Variants in CCAR2 observed in about 807,000 individuals in gnomAD.
CCAR2 encodes the protein cell cycle and apoptosis regulator protein 2.
CCAR2 carries 21 observed loss-of-function variants against 108.1 expected under a neutral mutation model. The ratio of observed to expected loss-of-function variants is 0.19; its 90% CI spans 0.14 to 0.28. CCAR2 has a LOEUF of 0.28. Among genes scored for constraint, CCAR2 ranks in the 10% least tolerant of loss-of-function variants. The pLI, the probability that CCAR2 is intolerant of heterozygous loss-of-function variation, is 1.00. For synonymous variants in CCAR2, 577 were observed against 472.8 expected (o/e 1.22, Z -2.86); for missense variants, 1,126 against 1,177.0 (o/e 0.96, Z 0.63).
At chr8:22,610,158 C>T (rs57985107) in intron 7 of CCAR2, among the ~76,000 whole-genome samples, 4 of 152,116 alleles carry the variant, frequency 2.6e-5, no homozygotes, top group African/African-American at 4.8e-5. Context: ...TATTACCATT[C>T]GTCAGTAGAG....
rs772579671 is a variant in CCAR2, at chr8:22,608,046, C to T, written c.565C>T (p.Arg189Trp). Residue 189 changes from arginine (R) to tryptophan (W), a missense_variant, in exon 7 of 21, where the codon CGG becomes TGG. This residue lies in a region of CCAR2 where 1,013 missense variants were observed against 993.9 expected (regional missense o/e 1.02). Coordinates refer to ENST00000308511, the MANE Select transcript of CCAR2 (RefSeq NM_001393997.1). ...NRFPARGPHG[R>W]LDQGRSDDYD... ...ATTTCCTGCCCGGGGCCCTCATGGA[C>T]GGTTGGATCAGGGCCGAAGGTAAGA... 17 of 1,613,882 alleles carry T rather than the reference C, an allele frequency of 1.1e-5. No homozygotes were observed. In the Middle Eastern group the frequency reaches 5.0e-4, roughly 47 times the overall value.
intron 16 of CCAR2, 22 bp downstream of exon 16, chr8:22,617,800 T>G: frequency 6.2e-7 from 1 of 1,611,478 alleles, no homozygotes; most frequent in Non-Finnish European, 8.5e-7. Context: ...TCTCGACCAC[T>G]CTGGGTCTCA....
At chr8:22,609,804 T>C (rs926671260) in intron 7 of CCAR2, among the ~76,000 whole-genome samples, 3 of 152,216 alleles carry the variant, frequency 2.0e-5, no homozygotes, top group African/African-American at 7.2e-5. Flanking sequence ...TTGCATTTGA[T>C]TGTCCTGGAC....
chr8:22,618,224 G>T, intron 16 of CCAR2, 125 bp from the exon 17 acceptor site: 1 of 1,286,640 alleles, frequency 7.8e-7, no homozygotes, highest in South Asian at 1.3e-5. Context: ...CCCAGCAGCT[G>T]GGACTTCAGG....
chr8:22,614,654 A>C (rs1232376523), intron 10 of CCAR2, 151 bp downstream of exon 10: 2 of 1,037,534 alleles, frequency 1.9e-6, no homozygotes, highest in Admixed American at 4.0e-5. Context: ...GGTGCAGCTC[A>C]GAGCTGTTAC....
chr8:22,605,533 G>T, intron 1 of CCAR2: 1 of 565,480 alleles, frequency 1.8e-6, no homozygotes. Flanking sequence ...GCACCACTAG[G>T]TTATTGTCAG....
At chr8:22,614,032 G>T in intron 8 of CCAR2, 60 bp from the exon 9 acceptor site, 2 of 1,492,988 alleles carry the variant, frequency 1.3e-6, no homozygotes, top group South Asian at 1.2e-5. Context: ...ATCTTTGATG[G>T]TTTCATTTCG....
intron 1 of CCAR2, 106 bp downstream of exon 1, chr8:22,604,948 A>AGG (rs1215951413): frequency 7.4e-5 from 26 of 350,232 alleles, no homozygotes; most frequent in Non-Finnish European, 1.3e-4. Context: ...GGGGCGCGGA[A>AGG]GGGGCCGAGC....
intron 7 of CCAR2, among the ~76,000 whole-genome samples, chr8:22,611,132 G>A (rs1178933303): frequency 1.3e-5 from 2 of 151,578 alleles, no homozygotes; most frequent in Non-Finnish European, 2.9e-5. Context: ...AGGCTGAGGC[G>A]GGCGGATTAC....
rs926851651 is a variant in CCAR2, at chr8:22,606,624, G to C, written c.168G>C (p.Arg56=). 6.2e-7 allele frequency: 1 copy of C among 1,614,076 alleles called. No homozygotes were observed. The highest frequency in any genetic ancestry group is 8.5e-7 in the Non-Finnish European group (1 of 1,179,958). Residue 56 remains arginine, a synonymous_variant, in exon 4 of 21, where the codon CGG becomes CGC. Coordinates refer to ENST00000308511, the MANE Select transcript of CCAR2 (RefSeq NM_001393997.1). The part of the protein sequence containing the change: ...ARHLQGGEKQ[R]VFTGIVTSLH... ...TCTTACAGGGTGGGGAGAAACAGCG[G>C]GTCTTCACTGGTATTGTTACCAGCT... is the stretch of plus-strand genomic sequence containing the variant.
At chr8:22,619,501 C>T in intron 20 of CCAR2, 137 bp from the exon 21 acceptor site, 1 of 1,402,372 alleles carries the variant, frequency 7.1e-7, no homozygotes, top group Non-Finnish European at 9.8e-7. Context: ...GCAGTGTGCC[C>T]CTGGTTGCAG....
intron 7 of CCAR2, chr8:22,612,801 C>G (rs1801341559): frequency 2.0e-6 from 1 of 490,442 alleles, no homozygotes; most frequent in African/African-American, 2.0e-5. Context: ...TACAATGTTG[C>G]AGAGTGTGCT....
intron 20 of CCAR2, 120 bp from the exon 21 acceptor site, chr8:22,619,518 T>C: frequency 1.4e-6 from 2 of 1,417,330 alleles, no homozygotes; most frequent in Non-Finnish European, 1.9e-6. Context: ...GCAGGTTCTC[T>C]GGGAATTGAG....
chr8:22,606,389 C>T (rs1269543726), intron 3 of CCAR2, among the ~76,000 whole-genome samples: 2 of 152,178 alleles, frequency 1.3e-5, no homozygotes, highest in African/African-American at 4.8e-5. Flanking sequence ...AATTAATGAA[C>T]TGGAAATCCC....
intron 1 of CCAR2, 79 bp downstream of exon 1, chr8:22,604,921 G>A (rs1335824804): frequency 5.4e-6 from 2 of 370,154 alleles, no homozygotes; most frequent in African/African-American, 2.2e-5. Flanking sequence ...TGCGAGGGCC[G>A]GGCGGCGAAG....
chr8:22,617,604 T>A, intron 15 of CCAR2, 40 bp downstream of exon 15: 6 of 1,609,728 alleles, frequency 3.7e-6, no homozygotes, highest in East Asian at 2.2e-5. Context: ...AGGCTTGGGA[T>A]GTGGCTTTCC....
intron 7 of CCAR2, among the ~76,000 whole-genome samples, chr8:22,611,265 G>T (rs1801263598): frequency 6.6e-6 from 1 of 151,424 alleles, no homozygotes; most frequent in African/African-American, 2.4e-5. Flanking sequence ...GGAGGCTGAG[G>T]CAGGAGAATT....
intron 7 of CCAR2, 103 bp downstream of exon 7, chr8:22,608,168 C>A: frequency 1.1e-6 from 1 of 896,710 alleles, no homozygotes; most frequent in Non-Finnish European, 1.7e-6. Context: ...CCCAGGTCAA[C>A]TGCTTGGAAG....
At chr8:22,610,225 CTTTTA>C (rs1801223797) in intron 7 of CCAR2, among the ~76,000 whole-genome samples, 1 of 152,114 alleles carries the variant, frequency 6.6e-6, no homozygotes. Context: ...GGGGCAGCAA[CTTTTA>C]TTTATTTATT....
Sources: allele counts gnomAD v4.1 joint callset (sites outside exome capture counted in the v4.1 genomes callset), GRCh38; gene constraint gnomAD v4.1.1; regional missense constraint gnomAD v4.1.1; transcripts MANE v1.5; gene names NCBI Gene and HGNC (gene_info 2026-07-23, HGNC 2026-07-21).